The following CALCRL variants were observed in gnomAD, a reference collection of about 807,000 sequenced individuals.
The protein encoded by CALCRL is calcitonin receptor like receptor, also known as calcitonin gene-related peptide type 1 receptor.
CALCRL carries 27 observed loss-of-function variants against 60.4 expected under a neutral mutation model. That is an observed-to-expected ratio of 0.45 (90% CI 0.33 to 0.62). The LOEUF (loss-of-function observed/expected upper bound fraction) is 0.62. Ranked by LOEUF, CALCRL falls within the 20% of genes least tolerant of loss-of-function variation. The pLI is 0.03. For synonymous variants in CALCRL, 190 were observed against 182.6 expected (o/e 1.04, Z -0.33); for missense variants, 424 against 540.7 (o/e 0.78, Z 2.14).
intron 1 of CALCRL, among the ~76,000 whole-genome samples, chr2:187,394,115 G>C (rs1688566894): frequency 6.6e-6 from 1 of 152,084 alleles, no homozygotes; most frequent in African/African-American, 2.4e-5. Flanking sequence ...AGCACAAGGG[G>C]AAGCAGAAAA....
At chr2:187,437,545 AT>A (rs971500322) in intron 1 of CALCRL, among the ~76,000 whole-genome samples, 40 of 150,900 alleles carry the variant, frequency 2.7e-4, no homozygotes, top group Non-Finnish European at 2.7e-4. Context: ...AGACAGCCCT[AT>A]TTTTTTTTCT....
rs138244347 is a variant in CALCRL at position 187,352,267 on chromosome 2, T to C, written c.975A>G (p.Gln325=). The stretch of plus-strand genomic sequence containing the variant: ...CTTTCATGTACAGATTGGATTCCGC[T>C]TGGTGTGTAACTTTTAACTTGGTGA... ...VLITKLKVTH[Q]AESNLYMKAV... is the part of the protein sequence containing the mutation. The change falls in exon 13 of 15, where the codon CAA becomes CAG. Residue 325 remains glutamine (Q), a synonymous_variant. Transcript: ENST00000392370. The C allele has an allele frequency of 3.7e-5, 60 of 1,612,230 alleles. No individual in the cohort carries two copies. The highest frequency in any genetic ancestry group is 4.9e-5 in the Non-Finnish European group (58 of 1,178,890).
At chr2:187,366,192 G>C (rs984688357) in intron 8 of CALCRL, among the ~76,000 whole-genome samples, 1 of 136,454 alleles carries the variant, frequency 7.3e-6, no homozygotes, top group Non-Finnish European at 1.5e-5. Context: ...GCAGTGAGCC[G>C]AGATTGCGCC....
intron 1 of CALCRL, among the ~76,000 whole-genome samples, chr2:187,393,007 A>G (rs1688512803): frequency 6.6e-6 from 1 of 152,286 alleles, no homozygotes; most frequent in African/African-American, 2.4e-5. Flanking sequence ...TCCTGAAGAC[A>G]TGTTACGGAT....
chr2:187,412,261 GGTGTC>G (rs1432469776), intron 1 of CALCRL, among the ~76,000 whole-genome samples: 2 of 151,990 alleles, frequency 1.3e-5, no homozygotes, highest in African/African-American at 4.8e-5. Context: ...AGCTTGAACG[GGTGTC>G]ATTTCTTAAA....
rs148650478 is a variant in CALCRL at position 187,342,332 on chromosome 2, T to C, written c.*3852A>G. Among the ~76,000 whole-genome samples, 701 of 151,864 alleles carry C rather than the reference T, an allele frequency of 4.6e-3. 4 individuals are homozygous for C. The highest frequency in any genetic ancestry group is 0.016 in the African/African-American group (678 of 41,536). On this transcript the variant is annotated 3_prime_UTR_variant, in exon 15 of 15. Transcript: ENST00000392370. ...TAATGAAATTGGTGATGGTAGCGTG[T>C]CTCTATGGATGTATTAAAATATACT... is the stretch of plus-strand genomic sequence containing the variant.
At chr2:187,401,191 G>A (rs1170598836) in intron 1 of CALCRL, among the ~76,000 whole-genome samples, 1 of 151,464 alleles carries the variant, frequency 6.6e-6, no homozygotes, top group Non-Finnish European at 1.5e-5. Context: ...TTTTAAAAAA[G>A]TAAATGCCAA....
chr2:187,411,249 CTT>C (rs145097062), intron 1 of CALCRL, among the ~76,000 whole-genome samples: 3,216 of 146,880 alleles, frequency 0.022, 45 homozygotes, highest in African/African-American at 0.053. Context: ...GTTGTAATAA[CTT>C]AACATTATGT....
At chr2:187,370,400 A>T (rs566930524) in intron 8 of CALCRL, among the ~76,000 whole-genome samples, 48 of 152,288 alleles carry the variant, frequency 3.2e-4, no homozygotes, top group African/African-American at 1.1e-3. Flanking sequence ...ACGAAGTTTT[A>T]ATCTATTCAA....
intron 8 of CALCRL, among the ~76,000 whole-genome samples, chr2:187,371,418 G>A (rs1399272082): frequency 6.6e-6 from 1 of 151,850 alleles, no homozygotes; most frequent in Non-Finnish European, 1.5e-5. Context: ...TGCTGTTCAG[G>A]GAATACTAGA....
At chr2:187,414,997 G>T (rs561347708) in intron 1 of CALCRL, among the ~76,000 whole-genome samples, 1 of 151,338 alleles carries the variant, frequency 6.6e-6, no homozygotes, top group South Asian at 2.1e-4. Context: ...GATTGATTTA[G>T]TTGGTTAGGT....
Position 187,345,025 on chromosome 2 carries a change from A to C in CALCRL, c.*1159T>G, listed in dbSNP as rs567981403. ...GTTTTTAAAATAAATATATCTTATG[A>C]TAGATGTTTCTGTTCTCTTAGTTCT... On this transcript the variant is annotated 3_prime_UTR_variant, in exon 15 of 15. Transcript: ENST00000392370. The C allele has an allele frequency of 6.6e-6, 1 of 152,192 alleles. No individual in the cohort carries two copies. The highest frequency in any genetic ancestry group is 2.1e-4 in the South Asian group (1 of 4,830). The allele number at this position is 152,192 out of a possible 1,614,324, so 9.4% of individuals were successfully genotyped here.
intron 3 of CALCRL, 62 bp from the exon 4 acceptor site, chr2:187,385,693 C>G: frequency 2.5e-6 from 2 of 805,440 alleles, no homozygotes; most frequent in Non-Finnish European, 4.0e-6. Flanking sequence ...GCAGATGATT[C>G]TCAACAGAAA....
chr2:187,354,334 T>C (rs1385745694), intron 12 of CALCRL, among the ~76,000 whole-genome samples: 1 of 151,868 alleles, frequency 6.6e-6, no homozygotes, highest in Non-Finnish European at 1.5e-5. Context: ...AGACAATCAC[T>C]TAACTATGCA....
At chr2:187,373,209 G>C (rs1687608462) in intron 8 of CALCRL, among the ~76,000 whole-genome samples, 1 of 151,988 alleles carries the variant, frequency 6.6e-6, no homozygotes, top group Admixed American at 6.6e-5. Flanking sequence ...CAAAGCAGAG[G>C]AGACTCCTGC....
At chr2:187,353,066 C>T (rs1263984708) in intron 12 of CALCRL, among the ~76,000 whole-genome samples, 2 of 151,930 alleles carry the variant, frequency 1.3e-5, no homozygotes, top group East Asian at 3.9e-4. Context: ...ACCTTTGACA[C>T]TCTAATGTGA....
chr2:187,441,940 C>T (rs964328771), intron 1 of CALCRL: 9 of 151,548 alleles, frequency 5.9e-5, no homozygotes, highest in African/African-American at 1.5e-4. Flanking sequence ...TTTTTCCTAA[C>T]GCCCTGCAAC....
At chr2:187,346,528 A>T (rs1686282776) in intron 14 of CALCRL, 129 bp from the exon 15 acceptor site, 1 of 607,218 alleles carries the variant, frequency 1.6e-6, no homozygotes, top group Non-Finnish European at 2.9e-6. Flanking sequence ...TTAATCAGTG[A>T]ATAATATAGC....
intron 8 of CALCRL, among the ~76,000 whole-genome samples, chr2:187,372,903 T>TGA (rs1687595819): frequency 6.6e-6 from 1 of 152,166 alleles, no homozygotes; most frequent in Non-Finnish European, 1.5e-5. Flanking sequence ...TCAAATTCAA[T>TGA]ATTTTCTGAG....
Sources: allele counts gnomAD v4.1 joint callset (sites outside exome capture counted in the v4.1 genomes callset), GRCh38; gene constraint gnomAD v4.1.1; transcripts MANE v1.5; gene names NCBI Gene and HGNC (gene_info 2026-07-23, HGNC 2026-07-21).